LCLAT1: variants seen among roughly 807,000 people sequenced by gnomAD.
The protein encoded by LCLAT1 is 1-AGP acyltransferase 8.
Under a neutral mutation model 30.7 loss-of-function variants are expected in LCLAT1, and 11 were observed. The ratio of observed to expected loss-of-function variants is 0.36; its 90% CI spans 0.23 to 0.59. The LOEUF (loss-of-function observed/expected upper bound fraction) is 0.59, where lower values mean the gene tolerates loss of function less well. Ranked by LOEUF, LCLAT1 falls within the 20% of genes least tolerant of loss-of-function variation. The pLI is 0.77. For synonymous variants in LCLAT1, 155 were observed against 151.3 expected (o/e 1.02, Z -0.18); for missense variants, 402 against 458.6 (o/e 0.88, Z 1.13).
intron 5 of LCLAT1, among the ~76,000 whole-genome samples, chr2:30,584,544 A>G (rs1287407632): frequency 6.6e-6 from 1 of 152,162 alleles, no homozygotes; most frequent in Non-Finnish European, 1.5e-5. Flanking sequence ...TTGATGGTGT[A>G]TGGCCACACT....
chr2:30,486,746 T>G (rs915534364), intron 1 of LCLAT1, among the ~76,000 whole-genome samples: 1 of 152,178 alleles, frequency 6.6e-6, no homozygotes, highest in African/African-American at 2.4e-5. Context: ...CATTCTTACC[T>G]TTCTTGCTGG....
chr2:30,501,842 C>T (rs1684410774), intron 1 of LCLAT1, among the ~76,000 whole-genome samples: 1 of 152,134 alleles, frequency 6.6e-6, no homozygotes, highest in Non-Finnish European at 1.5e-5. Context: ...GTCTGAATAT[C>T]AACTTTTATA....
chr2:30,476,314 T>A, intron 1 of LCLAT1: 1 of 449,890 alleles, frequency 2.2e-6, no homozygotes, highest in Non-Finnish European at 4.5e-6. Flanking sequence ...ACACAGTAAG[T>A]GTTGGAACCA....
At chr2:30,638,040 C>T (rs4952003) in intron 5 of LCLAT1, among the ~76,000 whole-genome samples, 19,343 of 152,144 alleles carry the variant, frequency 0.13, 1,365 homozygotes, top group South Asian at 0.22. Context: ...TGAATCTAAG[C>T]CTGTTGATGT....
chr2:30,508,855 T>C (rs1445839816), intron 1 of LCLAT1, among the ~76,000 whole-genome samples: 1 of 152,128 alleles, frequency 6.6e-6, no homozygotes, highest in Non-Finnish European at 1.5e-5. Context: ...AATTACTTTG[T>C]GTAGTATGGC....
rs372417008 is a variant in LCLAT1 at position 30,513,958 on chromosome 2, C to T, written c.-4-11629C>T. Among the ~76,000 whole-genome samples the T allele has an allele frequency of 7.9e-5, 12 of 152,308 alleles. No individual in the cohort carries two copies. In the Middle Eastern group the frequency reaches 0.01, roughly 130 times the overall value. ...CACCTTGGGCACGTGCCTTCAGGAC[C>T]TCCTGAGGCTGTGTCACGGGTGCCT... On this transcript the variant is annotated intron_variant, in intron 1 of 5. Coordinates refer to ENST00000379509, the MANE Select transcript of LCLAT1 (RefSeq NM_001002257.3).
At chr2:30,484,104 A>G (rs1683451535) in intron 1 of LCLAT1, among the ~76,000 whole-genome samples, 1 of 152,102 alleles carries the variant, frequency 6.6e-6, no homozygotes, top group Admixed American at 6.5e-5. Flanking sequence ...TCTATTACCC[A>G]TGTTTACATC....
chr2:30,517,944 A>G (rs1028537619), intron 1 of LCLAT1, among the ~76,000 whole-genome samples: 3 of 152,224 alleles, frequency 2.0e-5, no homozygotes, highest in Non-Finnish European at 4.4e-5. Flanking sequence ...CGCTGAGGCC[A>G]CTGACAACCC....
intron 1 of LCLAT1, among the ~76,000 whole-genome samples, chr2:30,518,213 T>G (rs1572559473): frequency 1.3e-5 from 2 of 152,350 alleles, no homozygotes; most frequent in Admixed American, 1.3e-4. Flanking sequence ...GAAAATTCCC[T>G]TAACCCAGCA....
chr2:30,548,310 T>C (rs1299687515), intron 3 of LCLAT1, among the ~76,000 whole-genome samples: 1 of 152,134 alleles, frequency 6.6e-6, no homozygotes, highest in African/African-American at 2.4e-5. Context: ...CCTGAGAACA[T>C]GTGCCCAAAG....
chr2:30,488,003 G>A (rs1183776866), intron 1 of LCLAT1, among the ~76,000 whole-genome samples: 1 of 152,160 alleles, frequency 6.6e-6, no homozygotes, highest in East Asian at 1.9e-4. Flanking sequence ...CAAAAACCAT[G>A]GAGTTGTACA....
At chr2:30,458,596 C>G (rs1033644680) in intron 1 of LCLAT1, among the ~76,000 whole-genome samples, 4 of 152,150 alleles carry the variant, frequency 2.6e-5, no homozygotes, top group African/African-American at 9.7e-5. Flanking sequence ...CCTTCTGACC[C>G]TCAGTATTTA....
intron 1 of LCLAT1, among the ~76,000 whole-genome samples, chr2:30,486,312 C>G (rs531312973): frequency 6.6e-6 from 1 of 152,128 alleles, no homozygotes; most frequent in Non-Finnish European, 1.5e-5. Context: ...GTGTAAGTTA[C>G]AGAAGTTGAA....
At chr2:30,490,978 A>G (rs1435098064) in intron 1 of LCLAT1, among the ~76,000 whole-genome samples, 1 of 152,246 alleles carries the variant, frequency 6.6e-6, no homozygotes, top group Non-Finnish European at 1.5e-5. Flanking sequence ...TTGATTACAC[A>G]TTGAAATGAT....
intron 5 of LCLAT1, among the ~76,000 whole-genome samples, chr2:30,595,530 C>G (rs1666893548): frequency 6.6e-6 from 1 of 152,170 alleles, no homozygotes; most frequent in Non-Finnish European, 1.5e-5. Context: ...CCTTTCTCAC[C>G]CATTCCTCCC....
chr2:30,481,775 A>AT (rs910599649), intron 1 of LCLAT1, among the ~76,000 whole-genome samples: 45 of 152,134 alleles, frequency 3.0e-4, no homozygotes, highest in South Asian at 2.5e-3. Flanking sequence ...GTAGTTAATG[A>AT]TTCATTTCTC....
chr2:30,533,356 A>T, intron 3 of LCLAT1, 42 bp downstream of exon 3: 1 of 1,501,278 alleles, frequency 6.7e-7, no homozygotes, highest in Non-Finnish European at 9.3e-7. Context: ...CATTCATTTT[A>T]GATGTAATGC....
chr2:30,608,527 G>A (rs1667576493), intron 5 of LCLAT1, among the ~76,000 whole-genome samples: 1 of 151,974 alleles, frequency 6.6e-6, no homozygotes, highest in Admixed American at 6.6e-5. Context: ...TTCATGGTAA[G>A]TGCCCTGTAG....
At chr2:30,501,398 GATA>G (rs1233679463) in intron 1 of LCLAT1, among the ~76,000 whole-genome samples, 2 of 152,104 alleles carry the variant, frequency 1.3e-5, no homozygotes, top group African/African-American at 4.8e-5. Flanking sequence ...TTTTATAAAA[GATA>G]ATGATGTAAC....
Sources: allele counts gnomAD v4.1 joint callset (sites outside exome capture counted in the v4.1 genomes callset), GRCh38; gene constraint gnomAD v4.1.1; transcripts MANE v1.5; gene names NCBI Gene and HGNC (gene_info 2026-07-23, HGNC 2026-07-21).